Variants in SRGAP2C observed in about 807,000 individuals in gnomAD.
The protein encoded by SRGAP2C is SLIT-ROBO Rho GTPase activating protein 2C, also known as SLIT-ROBO Rho GTPase-activating protein 2C.
SRGAP2C carries 15 observed loss-of-function variants against 25.1 expected under a neutral mutation model. The observed-to-expected ratio is 0.60, with a 90% confidence interval of 0.40 to 0.92. The LOEUF (loss-of-function observed/expected upper bound fraction) is 0.92, where lower values mean the gene tolerates loss of function less well. SRGAP2C is among the 40% of genes least tolerant of loss of function. The pLI, the probability that SRGAP2C is intolerant of heterozygous loss-of-function variation, is 0.00. For missense variants in SRGAP2C, 144 were observed against 264.4 expected (o/e 0.54, Z 3.16); for synonymous variants, 44 against 96.6 (o/e 0.46, Z 3.19).
At chr1:121,313,850 C>G (rs1658022409) in intron 3 of SRGAP2C, among the ~76,000 whole-genome samples, 1 of 132,354 alleles carries the variant, frequency 7.6e-6, no homozygotes, top group Admixed American at 7.7e-5. Flanking sequence ...TCTCTGGCTG[C>G]CCTTAACATT....
At chr1:121,370,439 C>CTTT (rs201539761) in intron 5 of SRGAP2C, among the ~76,000 whole-genome samples, 1 of 81,816 alleles carries the variant, frequency 1.2e-5, no homozygotes, top group Non-Finnish European at 2.4e-5. Flanking sequence ...CTCAGACTTC[C>CTTT]TTTTTTTTTT....
intron 2 of SRGAP2C, among the ~76,000 whole-genome samples, chr1:121,201,474 A>G (rs1654975643): frequency 6.6e-6 from 1 of 151,680 alleles, no homozygotes; most frequent in South Asian, 2.1e-4. Flanking sequence ...TTCAGTAGCA[A>G]AAGAGTTAAT....
At position 121,284,931 on chromosome 1, in the gene SRGAP2C, A is replaced by G; in HGVS notation, c.196A>G (p.Asn66Asp). The G allele has an allele frequency of 6.5e-7, 1 of 1,547,296 alleles. No homozygotes were observed. Among genetic ancestry groups the G allele is most frequent in the Non-Finnish European group, 8.7e-7 (1 of 1,145,154 alleles). Residue 66 changes from asparagine (N) to aspartate (D), a missense_variant, in exon 3 of 10, where the codon AAC (asparagine) becomes GAC (aspartate). Transcript: ENST00000367123. ...KAEIEMDYSR[N>D]LEKLAEHFLA... ...AGAGATTGAGATGGACTACTCCCGC[A>G]ACCTGGAGAAGCTGGCAGAACACTT...
chr1:121,317,076 G>A (rs1385495715), intron 3 of SRGAP2C, among the ~76,000 whole-genome samples: 1 of 114,160 alleles, frequency 8.8e-6, no homozygotes, highest in Non-Finnish European at 1.9e-5. Context: ...GTACACACAA[G>A]CCACAAGACC....
intron 2 of SRGAP2C, among the ~76,000 whole-genome samples, chr1:121,270,270 A>G (rs1450377057): frequency 6.6e-6 from 1 of 151,882 alleles, no homozygotes; most frequent in Non-Finnish European, 1.5e-5. Flanking sequence ...ATTTTTTAAG[A>G]CATGGCTACT....
chr1:121,299,578 T>G lies in SRGAP2C; in HGVS notation c.260+14583T>G, dbSNP rs1481274663. On this transcript the variant is annotated intron_variant, in intron 3 of 9. Coordinates refer to ENST00000367123, the MANE Select transcript of SRGAP2C (RefSeq NM_001329984.2). ...AATGAATCGGAACAAACTAGGATTA[T>G]CTTCAACAGTAGGATGCTGAGCTGT... 3.9e-5 allele frequency among the ~76,000 whole-genome samples: 3 copies of G among 77,886 alleles called. 1 individual carries two copies. The highest frequency in any genetic ancestry group is 6.2e-5 in the African/African-American group (1 of 16,090). 51.1% of individuals were successfully genotyped at this position (77,886 alleles called of 152,430 possible).
intron 4 of SRGAP2C, among the ~76,000 whole-genome samples, chr1:121,359,499 G>A (rs782452345): frequency 1.3e-5 from 2 of 152,142 alleles, no homozygotes; most frequent in African/African-American, 2.4e-5. Context: ...TTAAAAATTA[G>A]CCAAGCATAC....
chr1:121,374,547 C>T (rs1356636865), intron 6 of SRGAP2C, among the ~76,000 whole-genome samples: 1 of 152,042 alleles, frequency 6.6e-6, no homozygotes, highest in African/African-American at 2.4e-5. Flanking sequence ...AGTAGTGGTA[C>T]CTCCTTCAGA....
At chr1:121,306,821 A>C (rs1479532652) in intron 3 of SRGAP2C, among the ~76,000 whole-genome samples, 2 of 152,156 alleles carry the variant, frequency 1.3e-5, no homozygotes, top group African/African-American at 4.8e-5. Flanking sequence ...TGACTTTAAA[A>C]CATTTTGATC....
At chr1:121,306,069 T>C (rs1473880861) in intron 3 of SRGAP2C, among the ~76,000 whole-genome samples, 1 of 152,378 alleles carries the variant, frequency 6.6e-6, no homozygotes, top group South Asian at 2.1e-4. Flanking sequence ...TATGTCCTTA[T>C]GTCCTTTTCA....
intron 2 of SRGAP2C, among the ~76,000 whole-genome samples, chr1:121,265,563 T>TA (rs1656753349): frequency 8.0e-6 from 1 of 125,620 alleles, no homozygotes; most frequent in African/African-American, 3.1e-5. Flanking sequence ...ACACATTTTT[T>TA]AAAAATAAGA....
chr1:121,198,278 T>A (rs1553320992), intron 2 of SRGAP2C, among the ~76,000 whole-genome samples: 1 of 144,976 alleles, frequency 6.9e-6, no homozygotes, highest in African/African-American at 2.6e-5. Context: ...GCATATTCTC[T>A]TTGTTTTTTT....
At chr1:121,287,644 G>T (rs1438627409) in intron 3 of SRGAP2C, among the ~76,000 whole-genome samples, 1,970 of 152,316 alleles carry the variant, frequency 0.013, 17 homozygotes, top group Non-Finnish European at 0.018. Context: ...GTCATCTTGT[G>T]TCCGGAATTG....
chr1:121,335,532 G>A (rs1267159432), intron 4 of SRGAP2C, among the ~76,000 whole-genome samples: 1 of 135,182 alleles, frequency 7.4e-6, no homozygotes, highest in African/African-American at 2.8e-5. Flanking sequence ...TGTGATCATA[G>A]CTCACCGTAC....
At chr1:121,384,998 T>C (rs1216798507) in intron 8 of SRGAP2C, among the ~76,000 whole-genome samples, 2 of 152,036 alleles carry the variant, frequency 1.3e-5, no homozygotes, top group Admixed American at 1.3e-4. Flanking sequence ...CTTGTGAAGG[T>C]TCCGCATTCT....
At chr1:121,277,994 A>G (rs1657145647) in intron 2 of SRGAP2C, among the ~76,000 whole-genome samples, 1 of 146,986 alleles carries the variant, frequency 6.8e-6, no homozygotes, top group African/African-American at 2.5e-5. Flanking sequence ...AGGCTGGAGT[A>G]TAGTGGCACA....
At position 121,256,457 on chromosome 1, in the gene SRGAP2C, AG is replaced by A. The variant is rs1358416416; in HGVS notation, c.68-28344del. ...TATATCCCTAATCAAGAGCCTTTAC[AG>A]GTTCTCCCCAAAGTCTCTTTGTGCA... On this transcript the variant is annotated intron_variant, in intron 2 of 9. Transcript: ENST00000367123. Among the ~76,000 whole-genome samples the A allele has an allele frequency of 5.0e-3, 367 of 73,636 alleles. 1 individual carries two copies. Among genetic ancestry groups the A allele is most frequent in the Non-Finnish European group, 7.1e-3 (260 of 36,764 alleles). The allele number at this position is 73,636 out of a possible 152,430, so 48.3% of individuals were successfully genotyped here. A position where few individuals can be genotyped will look rare whatever the true frequency, so the allele number is the denominator to read the frequency against.
chr1:121,309,336 G>C, intron 3 of SRGAP2C, among the ~76,000 whole-genome samples: 1 of 139,152 alleles, frequency 7.2e-6, no homozygotes, highest in East Asian at 2.1e-4. Context: ...TTTTGTTTAA[G>C]ACATCAGGAG....
At chr1:121,378,849 T>C (rs1659739250) in intron 7 of SRGAP2C, among the ~76,000 whole-genome samples, 2 of 152,212 alleles carry the variant, frequency 1.3e-5, no homozygotes, top group African/African-American at 4.8e-5. Context: ...GACTTCTTTT[T>C]ATAGTATAGT....
Sources: gnomAD v4.1 joint callset for allele counts (sites outside exome capture counted in the v4.1 genomes callset) on GRCh38, gnomAD v4.1.1 for gene constraint, MANE v1.5 for transcripts, NCBI Gene and HGNC (gene_info 2026-07-23, HGNC 2026-07-21) for gene names.